Variants in DYNC1I1 observed in about 807,000 individuals in gnomAD.
DYNC1I1 encodes cytoplasmic dynein 1 intermediate chain 1.
Under a neutral mutation model 86.6 loss-of-function variants are expected in DYNC1I1, and 43 were observed. The observed-to-expected ratio is 0.50, with a 90% CI of 0.39 to 0.64. DYNC1I1 has a LOEUF of 0.64. DYNC1I1 is among the 30% of genes least tolerant of loss of function. The probability of loss-of-function intolerance (pLI) is 0.00; values close to 1 mark genes in which losing one functional copy is unlikely to be tolerated. For missense variants in DYNC1I1, 604 were observed against 788.8 expected (o/e 0.77, Z 2.81); for synonymous variants, 262 against 283.7 (o/e 0.92, Z 0.77).
At chr7:95,932,278 G>C (rs1791919430) in intron 6 of DYNC1I1, among the ~76,000 whole-genome samples, 1 of 152,116 alleles carries the variant, frequency 6.6e-6, no homozygotes, top group Admixed American at 6.5e-5. Context: ...TCTCCTACCA[G>C]TACTGGAAAA....
chr7:95,886,358 G>A (rs1021800649), intron 6 of DYNC1I1, among the ~76,000 whole-genome samples: 4 of 151,978 alleles, frequency 2.6e-5, no homozygotes, highest in Non-Finnish European at 5.9e-5. Context: ...TGCTTGAACT[G>A]GGGAGGCGGA....
chr7:95,780,630 T>G (rs1436517619), intron 1 of DYNC1I1, among the ~76,000 whole-genome samples: 1 of 152,134 alleles, frequency 6.6e-6, no homozygotes, highest in Non-Finnish European at 1.5e-5. Context: ...CCTGAAATAG[T>G]ACCCATTTCT....
chr7:95,946,994 C>T (rs142495290), intron 6 of DYNC1I1, among the ~76,000 whole-genome samples: 643 of 152,236 alleles, frequency 4.2e-3, no homozygotes, highest in African/African-American at 0.015. Context: ...ACAAGGAAGA[C>T]AGTTCTGGAT....
chr7:95,939,267 T>A (rs1792134316), intron 6 of DYNC1I1, among the ~76,000 whole-genome samples: 3 of 152,210 alleles, frequency 2.0e-5, no homozygotes, highest in Admixed American at 6.5e-5. Context: ...AAAAAATGTA[T>A]ATTCTGTTGA....
At chr7:95,985,109 G>A (rs1793553778) in intron 8 of DYNC1I1, 132 bp downstream of exon 8, 1 of 1,248,386 alleles carries the variant, frequency 8.0e-7, no homozygotes, top group Admixed American at 2.5e-5. Flanking sequence ...TGATCTTGCT[G>A]AACAGCTTTG....
intron 1 of DYNC1I1, among the ~76,000 whole-genome samples, chr7:95,782,483 G>A (rs1281957334): frequency 6.6e-6 from 1 of 152,200 alleles, no homozygotes; most frequent in Non-Finnish European, 1.5e-5. Flanking sequence ...CTCAGCCACT[G>A]CATGCTCAAA....
At chr7:95,945,035 A>G (rs1792358569) in intron 6 of DYNC1I1, among the ~76,000 whole-genome samples, 1 of 151,816 alleles carries the variant, frequency 6.6e-6, no homozygotes, top group Non-Finnish European at 1.5e-5. Context: ...ATAATGAAAT[A>G]AAATAAAATA....
At chr7:96,035,005 A>G (rs1227684746) in intron 12 of DYNC1I1, among the ~76,000 whole-genome samples, 1 of 152,210 alleles carries the variant, frequency 6.6e-6, no homozygotes, top group Non-Finnish European at 1.5e-5. Context: ...TTAATTCTCA[A>G]TTTTAAAAAA....
At chr7:96,091,531 C>T (rs532334388) in intron 16 of DYNC1I1, among the ~76,000 whole-genome samples, 4 of 152,162 alleles carry the variant, frequency 2.6e-5, no homozygotes, top group African/African-American at 9.6e-5. Context: ...AATCAGAGCG[C>T]TTTTCTAACG....
At chr7:96,092,582 T>A (rs1021141987) in intron 16 of DYNC1I1, among the ~76,000 whole-genome samples, 1 of 152,132 alleles carries the variant, frequency 6.6e-6, no homozygotes, top group African/African-American at 2.4e-5. Context: ...CCTTTAGGTA[T>A]ACAGGACACC....
rs542663285 is a variant in DYNC1I1 at position 95,977,706 on chromosome 7, C to G, written c.580+105C>G. On this transcript the variant is annotated intron_variant, in intron 7 of 16. Transcript: ENST00000447467. ...CTAAGTAAAAATTGAATTTGCATCC[C>G]CTATATGGAAGATTTTCTATGATTG... The G allele has an allele frequency of 3.2e-6, 3 of 933,872 alleles. No individual in the cohort carries two copies. In the East Asian group the frequency reaches 8.5e-5, roughly 26 times the overall value. 57.8% of individuals were successfully genotyped at this position (933,872 alleles called of 1,614,324 possible). A position where few individuals can be genotyped will look rare whatever the true frequency, so the allele number is the denominator to read the frequency against.
intron 5 of DYNC1I1, among the ~76,000 whole-genome samples, chr7:95,843,202 T>C (rs1168280840): frequency 6.6e-6 from 1 of 152,226 alleles, no homozygotes; most frequent in Non-Finnish European, 1.5e-5. Context: ...ATTCTTTCCT[T>C]GGCCTCAGGT....
intron 5 of DYNC1I1, among the ~76,000 whole-genome samples, chr7:95,842,491 T>C (rs974518971): frequency 4.6e-5 from 7 of 152,186 alleles, no homozygotes; most frequent in African/African-American, 1.7e-4. Flanking sequence ...GGACTGCAGA[T>C]ATAGCTTGCC....
chr7:96,012,387 A>G (rs111873650), intron 10 of DYNC1I1, among the ~76,000 whole-genome samples: 18 of 152,264 alleles, frequency 1.2e-4, no homozygotes, highest in African/African-American at 4.1e-4. Flanking sequence ...TGAAATGGCA[A>G]TTGGGAAAGG....
intron 14 of DYNC1I1, among the ~76,000 whole-genome samples, chr7:96,072,402 T>C (rs933547827): frequency 5.9e-5 from 9 of 152,186 alleles, no homozygotes; most frequent in Non-Finnish European, 1.3e-4. Flanking sequence ...GAACATGACA[T>C]AGAAAAGGAA....
At chr7:95,998,015 A>G (rs1002854558) in intron 10 of DYNC1I1, among the ~76,000 whole-genome samples, 2 of 152,262 alleles carry the variant, frequency 1.3e-5, no homozygotes, top group African/African-American at 4.8e-5. Flanking sequence ...AGGTAGACAG[A>G]TAACATAATA....
At chr7:96,023,312 C>G (rs1036854793) in intron 10 of DYNC1I1, among the ~76,000 whole-genome samples, 1 of 152,156 alleles carries the variant, frequency 6.6e-6, no homozygotes, top group African/African-American at 2.4e-5. Context: ...AGAGCAGAAC[C>G]CTTATTTCTC....
chr7:96,102,518 G>A (rs1361645145), downstream of DYNC1I1, among the ~76,000 whole-genome samples: 1 of 152,196 alleles, frequency 6.6e-6, no homozygotes, highest in Non-Finnish European at 1.5e-5. Flanking sequence ...CCACCACAAA[G>A]AAGGAAGCAC....
At chr7:95,906,984 C>A (rs1477850979) in intron 6 of DYNC1I1, among the ~76,000 whole-genome samples, 1 of 152,180 alleles carries the variant, frequency 6.6e-6, no homozygotes, top group Non-Finnish European at 1.5e-5. Flanking sequence ...CAATACCAGT[C>A]ACAGAAATGT....
Sources: allele counts gnomAD v4.1 joint callset (sites outside exome capture counted in the v4.1 genomes callset), GRCh38; gene constraint gnomAD v4.1.1; transcripts MANE v1.5; gene names NCBI Gene and HGNC (gene_info 2026-07-23, HGNC 2026-07-21).